The following XKR9 variants were observed in gnomAD, a reference collection of about 807,000 sequenced individuals.
XKR9 encodes XK-related protein 9.
In XKR9, 32 loss-of-function variants were observed where a neutral mutation model predicts 32.0. That is an observed-to-expected ratio of 1.00 (90% CI 0.76 to 1.34). The LOEUF (loss-of-function observed/expected upper bound fraction) is 1.34. XKR9 is among the 40% of genes most tolerant of loss of function. The pLI is 0.00. For missense variants in XKR9, 546 were observed against 429.7 expected (o/e 1.27, Z -2.39); for synonymous variants, 168 against 143.4 (o/e 1.17, Z -1.22).
At chr8:70,966,254 T>C in the XKR9 span, among the ~76,000 whole-genome samples, 7 of 151,872 alleles carry the variant, frequency 4.6e-5, no homozygotes, top group Non-Finnish European at 8.8e-5. Flanking sequence ...TCCTTTTTTC[T>C]TTTTTTTCTT....
chr8:71,039,744 C>T, the XKR9 span, among the ~76,000 whole-genome samples: 28 of 152,096 alleles, frequency 1.8e-4, no homozygotes, highest in African/African-American at 6.3e-4. Flanking sequence ...TGGGTTGACT[C>T]CCCTCATGGT....
At chr8:70,669,985 A>G (rs1399663041) in intron 1 of XKR9, among the ~76,000 whole-genome samples, 1 of 152,166 alleles carries the variant, frequency 6.6e-6, no homozygotes, top group African/African-American at 2.4e-5. Context: ...ATCTTTTATA[A>G]TAAATAGTGG....
chr8:70,853,842 A>G, the XKR9 span, among the ~76,000 whole-genome samples: 1 of 152,044 alleles, frequency 6.6e-6, no homozygotes, highest in Non-Finnish European at 1.5e-5. Flanking sequence ...CCATGTCCCT[A>G]CAAAGGACAT....
At chr8:70,726,368 A>G (rs1042614502) in intron 4 of XKR9, among the ~76,000 whole-genome samples, 2 of 152,240 alleles carry the variant, frequency 1.3e-5, no homozygotes, top group African/African-American at 4.8e-5. Context: ...AGGACTGACA[A>G]TTAACAGCAG....
At chr8:70,927,481 T>A in the XKR9 span, among the ~76,000 whole-genome samples, 1 of 152,150 alleles carries the variant, frequency 6.6e-6, no homozygotes, top group Non-Finnish European at 1.5e-5. Context: ...GGCTGGGAAG[T>A]CCAGAGTCAA....
chr8:71,044,845 C>T, the XKR9 span, among the ~76,000 whole-genome samples: 7 of 152,312 alleles, frequency 4.6e-5, no homozygotes, highest in African/African-American at 1.7e-4. Flanking sequence ...ATATTAATCT[C>T]ATGAATAAGT....
At chr8:70,810,415 G>A in the XKR9 span, among the ~76,000 whole-genome samples, 1 of 152,170 alleles carries the variant, frequency 6.6e-6, no homozygotes, top group East Asian at 1.9e-4. Context: ...ACATCATAAT[G>A]ACAGTACCAA....
chr8:70,799,589 C>T, the XKR9 span, among the ~76,000 whole-genome samples: 1 of 152,150 alleles, frequency 6.6e-6, no homozygotes, highest in African/African-American at 2.4e-5. Context: ...GCTTCAGCCT[C>T]CCAAAGTGCT....
At chr8:70,760,512 T>C (rs1290716068) in intron 2 of XKR9, among the ~76,000 whole-genome samples, 1 of 152,204 alleles carries the variant, frequency 6.6e-6, no homozygotes, top group Non-Finnish European at 1.5e-5. Context: ...TAAAACGTAC[T>C]ATTTTAACAA....
downstream of XKR9, among the ~76,000 whole-genome samples, chr8:70,736,097 C>T (rs1287035583): frequency 2.6e-5 from 4 of 152,158 alleles, no homozygotes; most frequent in African/African-American, 9.7e-5. Context: ...AAAAGTGTTC[C>T]TATTTCTCCA....
the XKR9 span, among the ~76,000 whole-genome samples, chr8:70,838,570 T>G: frequency 2.6e-5 from 4 of 152,112 alleles, no homozygotes; most frequent in South Asian, 4.1e-4. Flanking sequence ...ATGAGAAAAC[T>G]GAGGCTCAGA....
At chr8:70,692,327 G>A (rs1179935655) in intron 3 of XKR9, among the ~76,000 whole-genome samples, 1 of 152,034 alleles carries the variant, frequency 6.6e-6, no homozygotes, top group African/African-American at 2.4e-5. Flanking sequence ...CCAAGACACT[G>A]GGGTTTTCTA....
chr8:70,944,657 A>G, the XKR9 span, among the ~76,000 whole-genome samples: 3 of 152,202 alleles, frequency 2.0e-5, no homozygotes, highest in Non-Finnish European at 4.4e-5. Flanking sequence ...TCTGTAAAGG[A>G]GTGACCAGTT....
At chr8:70,707,211 A>G (rs1703214192) in intron 4 of XKR9, 58 bp downstream of exon 4, 2 of 1,353,906 alleles carry the variant, frequency 1.5e-6, no homozygotes, top group African/African-American at 1.5e-5. Flanking sequence ...TACGTCAACT[A>G]TATAAATCTT....
downstream of XKR9, among the ~76,000 whole-genome samples, chr8:70,792,313 G>A (rs1330312647): frequency 6.6e-6 from 1 of 152,086 alleles, no homozygotes; most frequent in African/African-American, 2.4e-5. Context: ...CATTACAACA[G>A]TGGGGAAAGT....
chr8:70,872,532 C>T, the XKR9 span, among the ~76,000 whole-genome samples: 2 of 152,214 alleles, frequency 1.3e-5, no homozygotes, highest in African/African-American at 4.8e-5. Context: ...TAGACTTTCA[C>T]TATAGATGAA....
chr8:70,971,411 T>A, the XKR9 span, among the ~76,000 whole-genome samples: 1 of 152,180 alleles, frequency 6.6e-6, no homozygotes, highest in Non-Finnish European at 1.5e-5. Context: ...ACTGTGTGGG[T>A]TATCTGTTAA....
intron 4 of XKR9, among the ~76,000 whole-genome samples, chr8:70,729,884 C>A (rs971679435): frequency 3.3e-5 from 5 of 152,064 alleles, no homozygotes; most frequent in African/African-American, 1.2e-4. Context: ...GCCAACACAT[C>A]ATTTTTGGAC....
the XKR9 span, among the ~76,000 whole-genome samples, chr8:70,934,134 A>G: frequency 1.3e-5 from 2 of 152,060 alleles, no homozygotes. Context: ...AATTGTGTGG[A>G]TATTATAATA....
Sources: gnomAD v4.1 joint callset for allele counts (sites outside exome capture counted in the v4.1 genomes callset) on GRCh38, gnomAD v4.1.1 for gene constraint, MANE v1.5 for transcripts, NCBI Gene and HGNC (gene_info 2026-07-23, HGNC 2026-07-21) for gene names.